Variants in TAX1BP1 observed in about 807,000 individuals in gnomAD.
TAX1BP1 encodes the protein tax1-binding protein 1.
TAX1BP1 carries 62 observed loss-of-function variants against 97.7 expected under a neutral mutation model. That is an observed-to-expected ratio of 0.63 (90% CI 0.52 to 0.78). The LOEUF is 0.78. Among genes scored for constraint, TAX1BP1 ranks in the 30% least tolerant of loss-of-function variants. The pLI is 0.00. For missense variants in TAX1BP1, 867 were observed against 916.1 expected, an observed-to-expected ratio of 0.95 and a Z score of 0.69; for synonymous variants, 340 against 304.2, an observed-to-expected ratio of 1.12 and a Z score of -1.23.
chr7:27,829,486 A>G lies in TAX1BP1; in HGVS notation c.*657A>G, dbSNP rs919310946. 2.6e-5 allele frequency: 4 copies of G among 152,190 alleles called. No individual in the cohort carries two copies. Among genetic ancestry groups the G allele is most frequent in the African/African-American group, 9.7e-5 (4 of 41,450 alleles). 9.4% of individuals were successfully genotyped at this position (152,190 alleles called of 1,614,324 possible). On this transcript the variant is annotated 3_prime_UTR_variant, in exon 17 of 17. Coordinates refer to ENST00000396319, the MANE Select transcript of TAX1BP1 (RefSeq NM_006024.7). ...TTTAAACTATCTTGAAGTTGTATGTATATATCTAATGGGAAAATGGAACAA... is the reference window on the plus strand; with the variant it reads ...TTTAAACTATCTTGAAGTTGTATGTGTATATCTAATGGGAAAATGGAACAA...
At position 27,792,118 on chromosome 7, in the gene TAX1BP1, GA is replaced by G; in HGVS notation, c.1152del (p.Asp385ThrfsTer17). On this transcript the variant is annotated frameshift_variant, in exon 9 of 17. Transcript: ENST00000396319. LOFTEE classifies it high-confidence loss of function. Reference sequence around the variant, plus strand: ...GAACTCAGTGATGCTGTCAACGTACGAGACAGAACGATGGCAGACCTGCATA... The same window carrying G: ...GAACTCAGTGATGCTGTCAACGTACGGACAGAACGATGGCAGACCTGCATA... ...AKELSDAVNV[R>X]DRTMADLHTA... 1 of 1,614,048 alleles carries G rather than the reference GA, an allele frequency of 6.2e-7. No individual in the cohort carries two copies. Among genetic ancestry groups the G allele is most frequent in the Non-Finnish European group, 8.5e-7 (1 of 1,180,022 alleles).
chr7:27,754,223 G>GT (rs757399781), intron 2 of TAX1BP1, among the ~76,000 whole-genome samples: 61 of 152,012 alleles, frequency 4.0e-4, no homozygotes, highest in Non-Finnish European at 6.5e-4. Context: ...TGAATATCCT[G>GT]TTTCAAGCTT....
chr7:27,799,437 A>C (rs762532917), intron 12 of TAX1BP1, among the ~76,000 whole-genome samples: 6 of 152,176 alleles, frequency 3.9e-5, no homozygotes, highest in Non-Finnish European at 8.8e-5. Flanking sequence ...AGAGTTTATC[A>C]CTGCATGGAA....
At chr7:27,791,716 C>T (rs1789715367) in intron 8 of TAX1BP1, among the ~76,000 whole-genome samples, 1 of 152,056 alleles carries the variant, frequency 6.6e-6, no homozygotes, top group Admixed American at 6.6e-5. Flanking sequence ...TTTGTTTGAG[C>T]CTCAGTTTGG....
chr7:27,808,354 A>G (rs1790424124), intron 13 of TAX1BP1, among the ~76,000 whole-genome samples: 1 of 152,200 alleles, frequency 6.6e-6, no homozygotes. Flanking sequence ...TAATTAGACT[A>G]GGAACCTGGT....
chr7:27,791,961 T>A (rs756983623), intron 8 of TAX1BP1, 45 bp from the exon 9 acceptor site: 2 of 1,581,788 alleles, frequency 1.3e-6, no homozygotes, highest in East Asian at 2.2e-5. Context: ...TTCTGTTTTT[T>A]ACTTGAGTGG....
chr7:27,815,542 A>G (rs548764241), intron 13 of TAX1BP1, among the ~76,000 whole-genome samples: 4 of 152,258 alleles, frequency 2.6e-5, no homozygotes, highest in South Asian at 2.1e-4. Flanking sequence ...TTGACGTGCT[A>G]TAAGTTAAGG....
At chr7:27,809,427 A>AT (rs1370398166) in intron 13 of TAX1BP1, among the ~76,000 whole-genome samples, 3 of 152,082 alleles carry the variant, frequency 2.0e-5, no homozygotes, top group South Asian at 2.1e-4. Context: ...AATAGATACA[A>AT]TTTTTTTTGC....
chr7:27,750,912 CT>C (rs1461484144), intron 2 of TAX1BP1, among the ~76,000 whole-genome samples: 3 of 152,112 alleles, frequency 2.0e-5, no homozygotes, highest in Non-Finnish European at 4.4e-5. Flanking sequence ...CACTTTCATT[CT>C]TGTCCTCTAA....
At chr7:27,771,269 A>G (rs1168806802) in intron 5 of TAX1BP1, among the ~76,000 whole-genome samples, 6 of 125,604 alleles carry the variant, frequency 4.8e-5, no homozygotes, top group Middle Eastern at 3.9e-3. Flanking sequence ...TTTTTTTTTC[A>G]CTGTATTACA....
At chr7:27,824,441 C>G (rs1791093254) in intron 15 of TAX1BP1, among the ~76,000 whole-genome samples, 1 of 150,408 alleles carries the variant, frequency 6.6e-6, no homozygotes, top group South Asian at 2.1e-4. Context: ...GTAGTCCTAG[C>G]TACCTGGGAG....
chr7:27,765,300 A>G (rs184403484), intron 3 of TAX1BP1, among the ~76,000 whole-genome samples: 1 of 151,832 alleles, frequency 6.6e-6, no homozygotes, highest in African/African-American at 2.4e-5. Flanking sequence ...GATTACAGGC[A>G]TGAGCCACCG....
At chr7:27,766,223 A>G (rs1433056503) in intron 4 of TAX1BP1, among the ~76,000 whole-genome samples, 1 of 152,056 alleles carries the variant, frequency 6.6e-6, no homozygotes, top group African/African-American at 2.4e-5. Context: ...TATCGAGACC[A>G]TCCTGGCTAA....
In TAX1BP1 at chr7:27,816,641, T is replaced by C. The variant is rs1196371876; in HGVS notation, c.1936+121T>C. The C allele has an allele frequency of 2.2e-5, 22 of 985,116 alleles. No individual in the cohort carries two copies. In the Admixed American group the frequency reaches 4.3e-4, roughly 19 times the overall value. 61.0% of individuals were successfully genotyped at this position (985,116 alleles called of 1,614,324 possible). On this transcript the variant is annotated intron_variant, in intron 14 of 16. Transcript: ENST00000396319. ...CCTAATACAAACATTATTTTATTTG[T>C]ATAATTAGCAGTTTTAATATTTAAC...
At chr7:27,763,118 T>C (rs1252631375) in intron 3 of TAX1BP1, among the ~76,000 whole-genome samples, 1 of 152,224 alleles carries the variant, frequency 6.6e-6, no homozygotes, top group African/African-American at 2.4e-5. Flanking sequence ...CATTGAATAT[T>C]AGAGTTATAG....
intron 13 of TAX1BP1, among the ~76,000 whole-genome samples, chr7:27,811,776 C>T (rs1016143096): frequency 6.6e-6 from 1 of 152,138 alleles, no homozygotes; most frequent in Non-Finnish European, 1.5e-5. Flanking sequence ...CCTGCTACCC[C>T]CCTGTCCTAG....
At chr7:27,773,773 C>T (rs904614857) in intron 5 of TAX1BP1, among the ~76,000 whole-genome samples, 22 of 151,914 alleles carry the variant, frequency 1.4e-4, no homozygotes, top group Admixed American at 9.8e-4. Flanking sequence ...GTGCTAGATA[C>T]GTATTGGAAA....
intron 2 of TAX1BP1, among the ~76,000 whole-genome samples, chr7:27,752,354 A>G (rs184318549): frequency 2.6e-5 from 4 of 152,210 alleles, no homozygotes; most frequent in Non-Finnish European, 5.9e-5. Context: ...ACTGTGGAAT[A>G]ATGTCATAGG....
intron 1 of TAX1BP1, among the ~76,000 whole-genome samples, chr7:27,744,848 A>G (rs1787760745): frequency 6.6e-6 from 1 of 152,256 alleles, no homozygotes; most frequent in Non-Finnish European, 1.5e-5. Flanking sequence ...TTTTATAGAC[A>G]TTAATGCATT....
Sources: gnomAD v4.1 joint callset for allele counts (sites outside exome capture counted in the v4.1 genomes callset) on GRCh38, gnomAD v4.1.1 for gene constraint, MANE v1.5 for transcripts, NCBI Gene and HGNC (gene_info 2026-07-23, HGNC 2026-07-21) for gene names.